Variants in ZBTB39 observed in about 807,000 individuals in gnomAD.
ZBTB39 encodes the protein zinc finger and BTB domain-containing protein 39.
A neutral mutation model predicts 39.4 loss-of-function variants in ZBTB39; 25 were observed. That is an observed-to-expected ratio of 0.63 (90% CI 0.46 to 0.89). ZBTB39 has a LOEUF of 0.89. ZBTB39 is among the 40% of genes least tolerant of loss of function. The probability of loss-of-function intolerance (pLI) is 0.00; values close to 1 mark genes in which losing one functional copy is unlikely to be tolerated. For missense variants in ZBTB39, 891 were observed against 909.7 expected (o/e 0.98, Z 0.26); for synonymous variants, 373 against 359.6 (o/e 1.04, Z -0.42).
At position 56,999,794 on chromosome 12, in the gene ZBTB39, T is replaced by C. The variant is rs941670016; in HGVS notation, c.*2985A>G. 3.3e-5 allele frequency: 5 copies of C among 152,206 alleles called. No homozygotes were observed. The highest frequency in any genetic ancestry group is 1.3e-4 in the Admixed American group (2 of 15,290). 9.4% of individuals were successfully genotyped at this position (152,206 alleles called of 1,614,324 possible). On this transcript the variant is annotated 3_prime_UTR_variant, in exon 2 of 2. Transcript: ENST00000300101. ...GGAAAACAAGTTGGGAATGGCCTCA[T>C]ATTTGGTTTAATGCTCTATGACCAC...
chr12:57,005,953 G>A (rs1956242570), intron 1 of ZBTB39, among the ~76,000 whole-genome samples: 1 of 152,196 alleles, frequency 6.6e-6, no homozygotes, highest in Admixed American at 6.5e-5. Context: ...AAGTATTGTG[G>A]GGTACCGGCC....
rs1387199258 is a variant in ZBTB39, at chr12:57,005,014, G to C, written c.-44-53C>G. On this transcript the variant is annotated intron_variant, in intron 1 of 1. Coordinates refer to ENST00000300101, the MANE Select transcript of ZBTB39 (RefSeq NM_014830.3). ...TGGCCAAACACATCCGTGCAAAAGAGGGGCTATGCAGGAGAAAATACCATC... is the reference window on the plus strand; with the variant it reads ...TGGCCAAACACATCCGTGCAAAAGACGGGCTATGCAGGAGAAAATACCATC... 3 of 1,322,584 alleles carry C rather than the reference G, an allele frequency of 2.3e-6. No homozygotes were observed. The African/African-American group carries it at 4.4e-5, about 19-fold the overall frequency. 81.9% of individuals were successfully genotyped at this position (1,322,584 alleles called of 1,614,324 possible). A position where few individuals can be genotyped will look rare whatever the true frequency, so the allele number is the denominator to read the frequency against.
rs1956223575 is a variant in ZBTB39, at chr12:57,003,505, G to A, written c.1413C>T (p.Ile471=). 4 of 1,613,982 alleles carry A rather than the reference G, an allele frequency of 2.5e-6. No individual in the cohort carries two copies. Among genetic ancestry groups the A allele is most frequent in the South Asian group, 1.1e-5 (1 of 91,084 alleles). The stretch of plus-strand genomic sequence containing the variant: ...GGCCCTTCAAGTTTAGATGGTCAAG[G>A]ATGTGGCCCCGGACCACATGGAAAT... ...AKDFHVVRGH[I]LDHLNLKGQA... Residue 471 remains isoleucine, a synonymous_variant, in exon 2 of 2, where the codon ATC becomes ATT. Coordinates refer to ENST00000300101, the MANE Select transcript of ZBTB39 (RefSeq NM_014830.3). This position sits in a 1 kb window ranked among gnomAD's most constrained non-coding sequence, Gnocchi z 4.8.
Position 56,999,834 on chromosome 12 carries a change from T to C in ZBTB39, c.*2945A>G, listed in dbSNP as rs1363954854. The stretch of plus-strand genomic sequence containing the variant: ...TCTATGACCACCACCTTGAAATTTT[T>C]AATAATTTATGAATAAGAGGGCTCC... On this transcript the variant is annotated 3_prime_UTR_variant, in exon 2 of 2. Coordinates refer to ENST00000300101, the MANE Select transcript of ZBTB39 (RefSeq NM_014830.3). 1 of 152,166 alleles carries C rather than the reference T, an allele frequency of 6.6e-6. No individual in the cohort carries two copies. The highest frequency in any genetic ancestry group is 1.9e-4 in the East Asian group (1 of 5,200). 9.4% of individuals were successfully genotyped at this position (152,166 alleles called of 1,614,324 possible).
In ZBTB39 at chr12:57,004,870, C is replaced by G. The variant is rs2136410995; in HGVS notation, c.48G>C (p.Leu16=). The G allele has an allele frequency of 6.2e-7, 1 of 1,611,988 alleles. No homozygotes were observed. Among genetic ancestry groups the G allele is most frequent in the Non-Finnish European group, 8.5e-7 (1 of 1,178,630 alleles). ...KLQSTNHPNN[L]LKELNKCRLS... ...GCCGGCACTTGTTGAGTTCCTTCAG[C>G]AGGTTGTTGGGGTGGTTGGTGCTTT... Residue 16 remains leucine, a synonymous_variant, in exon 2 of 2, where the codon CTG becomes CTC. Coordinates refer to ENST00000300101, the MANE Select transcript of ZBTB39 (RefSeq NM_014830.3).
chr12:57,003,321 G>C lies in ZBTB39; in HGVS notation c.1597C>G (p.Leu533Val), dbSNP rs779277436. Residue 533 changes from leucine to valine, a missense_variant, in exon 2 of 2, where the codon CTG becomes GTG. Physicochemically the swap from Leu to Val is conservative, Grantham distance 32. Coordinates refer to ENST00000300101, the MANE Select transcript of ZBTB39 (RefSeq NM_014830.3). The surrounding 1 kb of genome is among the most constrained non-coding windows in gnomAD (Gnocchi z 4.8). ...CGGCAGTGGAAGAGGGCGTCTTCCA[G>C]ACTTTGGTGCACAGCCATGTGCTTC... Reference protein sequence around the residue: ...LEKHMAVHQSLEDALFHCRLC... With the variant: ...LEKHMAVHQSVEDALFHCRLC... 1.2e-5 allele frequency: 20 copies of C among 1,614,002 alleles called. No individual in the cohort carries two copies. The East Asian group carries it at 4.2e-4, about 34-fold the overall frequency.
In ZBTB39 at chr12:56,999,710, C is replaced by T. The variant is rs1956199158; in HGVS notation, c.*3069G>A. The stretch of plus-strand genomic sequence containing the variant: ...CAGGATACTAATCTCTGCCTCTGGC[C>T]ACATGGAGCCTCTGCTGTTTAACCC... On this transcript the variant is annotated 3_prime_UTR_variant, in exon 2 of 2. Coordinates refer to ENST00000300101, the MANE Select transcript of ZBTB39 (RefSeq NM_014830.3). 1 of 152,174 alleles carries T rather than the reference C, an allele frequency of 6.6e-6. No individual in the cohort carries two copies. Among genetic ancestry groups the T allele is most frequent in the Non-Finnish European group, 1.5e-5 (1 of 68,034 alleles). The allele number at this position is 152,174 out of a possible 1,614,324, so 9.4% of individuals were successfully genotyped here.
In ZBTB39 at chr12:57,003,993, G is replaced by A. The variant is rs773741415; in HGVS notation, c.925C>T (p.Pro309Ser). Residue 309 changes from proline (P) to serine (S), a missense_variant, in exon 2 of 2, where the codon CCT becomes TCT. Coordinates refer to ENST00000300101, the MANE Select transcript of ZBTB39 (RefSeq NM_014830.3). The surrounding 1 kb of genome is among the most constrained non-coding windows in gnomAD (Gnocchi z 4.8). Reference sequence around the variant, plus strand: ...TCAGTTGTGCCTATATCCTCAGCAGGGTCTTCAAACTGCAAGTCATCATCC... The same window carrying A: ...TCAGTTGTGCCTATATCCTCAGCAGAGTCTTCAAACTGCAAGTCATCATCC... ...LGDDDLQFED[P>S]AEDIGTTEEV... is the part of the protein sequence containing the mutation. The A allele has an allele frequency of 3.1e-6, 5 of 1,614,076 alleles. No homozygotes were observed. The highest frequency in any genetic ancestry group is 4.2e-6 in the Non-Finnish European group (5 of 1,180,056).
rs1218986479 is a variant in ZBTB39, at chr12:57,002,422, G to A, written c.*357C>T. 1 of 230,384 alleles carries A rather than the reference G, an allele frequency of 4.3e-6. No homozygotes were observed. Among genetic ancestry groups the A allele is most frequent in the East Asian group, 9.2e-5 (1 of 10,832 alleles). The allele number at this position is 230,384 out of a possible 1,614,324, so 14.3% of individuals were successfully genotyped here. On this transcript the variant is annotated 3_prime_UTR_variant, in exon 2 of 2. Transcript: ENST00000300101. ...ACCTCCTCTGTTAAGTGAGGCTGTTGGTTGGATTCTTAGCAGCATAAAACC... is the reference window on the plus strand; with the variant it reads ...ACCTCCTCTGTTAAGTGAGGCTGTTAGTTGGATTCTTAGCAGCATAAAACC...
rs1443313479 is a variant in ZBTB39 at position 57,000,293 on chromosome 12, C to T, written c.*2486G>A. 6.6e-6 allele frequency: 1 copy of T among 152,548 alleles called. No individual in the cohort carries two copies. Among genetic ancestry groups the T allele is most frequent in the Non-Finnish European group, 1.5e-5 (1 of 68,016 alleles). 9.4% of individuals were successfully genotyped at this position (152,548 alleles called of 1,614,324 possible). On this transcript the variant is annotated 3_prime_UTR_variant, in exon 2 of 2. Transcript: ENST00000300101. ...GCCACCCTGATCAATCTGATCAGCC[C>T]CCGGGGGATCAGGGGATGCAGTTTT...
rs1296453479 is a variant in ZBTB39, at chr12:57,002,458, C to T, written c.*321G>A. On this transcript the variant is annotated 3_prime_UTR_variant, in exon 2 of 2. Transcript: ENST00000300101. ...TAGCAGCATAAAACCTATCAGTAAA[C>T]TAAAACTAGAGAGGCTGGGGAAGGG... 6.1e-6 allele frequency: 2 copies of T among 326,436 alleles called. No individual in the cohort carries two copies. The highest frequency in any genetic ancestry group is 5.7e-6 in the Non-Finnish European group (1 of 176,808). 20.2% of individuals were successfully genotyped at this position (326,436 alleles called of 1,614,324 possible).
In ZBTB39 at chr12:57,004,671, C is replaced by G; in HGVS notation, c.247G>C (p.Val83Leu). The change falls in exon 2 of 2, where the codon GTT (valine) becomes CTT (leucine). Residue 83 changes from valine to leucine, a missense_variant. Coordinates refer to ENST00000300101, the MANE Select transcript of ZBTB39 (RefSeq NM_014830.3). ...TCTGAAGTGTAGACAAAGCTCAGAA[C>G]CTTCTCAAAGTTGGCAGGGGTGATG... ...DFITPANFEKVLSFVYTSELF... is the reference protein window; with the variant it reads ...DFITPANFEKLLSFVYTSELF... The G allele has an allele frequency of 6.2e-7, 1 of 1,614,202 alleles. No individual in the cohort carries two copies.
chr12:57,004,824 C>G lies in ZBTB39; in HGVS notation c.94G>C (p.Val32Leu). 6.2e-7 allele frequency: 1 copy of G among 1,614,154 alleles called. No individual in the cohort carries two copies. The highest frequency in any genetic ancestry group is 8.5e-7 in the Non-Finnish European group (1 of 1,179,994). ...GAGCGGCTCCCCACCACAATGGTGACGTCGCACATGGTCTCTGAGAGCCGG... is the reference window on the plus strand; with the variant it reads ...GAGCGGCTCCCCACCACAATGGTGAGGTCGCACATGGTCTCTGAGAGCCGG... ...KCRLSETMCDVTIVVGSRSFP... is the reference protein window; with the variant it reads ...KCRLSETMCDLTIVVGSRSFP... Residue 32 changes from valine (V) to leucine (L), a missense_variant, in exon 2 of 2, where the codon GTC (valine) becomes CTC (leucine). Val to Leu is a conservative substitution (Grantham distance 32). Coordinates refer to ENST00000300101, the MANE Select transcript of ZBTB39 (RefSeq NM_014830.3).
chr12:56,999,642 G>A lies in ZBTB39; in HGVS notation c.*3137C>T, dbSNP rs1267661815. 1 of 152,178 alleles carries A rather than the reference G, an allele frequency of 6.6e-6. No individual in the cohort carries two copies. The highest frequency in any genetic ancestry group is 1.9e-4 in the East Asian group (1 of 5,190). 9.4% of individuals were successfully genotyped at this position (152,178 alleles called of 1,614,324 possible). On this transcript the variant is annotated 3_prime_UTR_variant, in exon 2 of 2. Transcript: ENST00000300101. Reference sequence around the variant, plus strand: ...AAGGTTCAGCAGAGCTTCCTAGCGGGTGCTGTGGCATCAGTGAGTCACCCA... The same window carrying A: ...AAGGTTCAGCAGAGCTTCCTAGCGGATGCTGTGGCATCAGTGAGTCACCCA...
In ZBTB39 at chr12:56,999,871, A is replaced by C. The variant is rs1204837498; in HGVS notation, c.*2908T>G. On this transcript the variant is annotated 3_prime_UTR_variant, in exon 2 of 2. Transcript: ENST00000300101. ...AATAAGAGGGCTCCACAAATGATGT[A>C]GCTGGTCCTGAGTACATACCAAGAA... 6.6e-6 allele frequency: 1 copy of C among 152,228 alleles called. No individual in the cohort carries two copies. The highest frequency in any genetic ancestry group is 2.4e-5 in the African/African-American group (1 of 41,442). The allele number at this position is 152,228 out of a possible 1,614,324, so 9.4% of individuals were successfully genotyped here. A position where few individuals can be genotyped will look rare whatever the true frequency, so the allele number is the denominator to read the frequency against.
In ZBTB39 at chr12:57,004,289, T is replaced by C. The variant is rs368655937; in HGVS notation, c.629A>G (p.Glu210Gly). ...PQPPPPPPKT[E>G]DHDTPAPFTS... ...GAAGGGAGCAGGGGTGTCATGGTCT[T>C]CTGTCTTTGGCGGTGGTGGGGGCGG... The change falls in exon 2 of 2, where the codon GAA (glutamate) becomes GGA (glycine). Residue 210 changes from glutamate to glycine, a missense_variant. Physicochemically the swap from Glu to Gly is moderately conservative, Grantham distance 98. Transcript: ENST00000300101. The C allele has an allele frequency of 6.2e-7, 1 of 1,614,050 alleles. No homozygotes were observed. The highest frequency in any genetic ancestry group is 1.3e-5 in the African/African-American group (1 of 74,916).
Position 57,003,221 on chromosome 12 carries a change from A to G in ZBTB39, c.1697T>C (p.Leu566Pro). 6.2e-6 allele frequency: 10 copies of G among 1,614,200 alleles called. No individual in the cohort carries two copies. The highest frequency in any genetic ancestry group is 8.5e-6 in the Non-Finnish European group (10 of 1,180,022). Reference sequence around the variant, plus strand: ...CAGCCCAAAACCAGGCCGTGCATCAAGGCCACTGTTGCATTTGTGCTGGCT... The same window carrying G: ...CAGCCCAAAACCAGGCCGTGCATCAGGGCCACTGTTGCATTTGTGCTGGCT... Reference protein sequence around the residue: ...HVSQHKCNSGLDARPGFGLQH... With the variant: ...HVSQHKCNSGPDARPGFGLQH... The change falls in exon 2 of 2, where the codon CTT (leucine) becomes CCT (proline). Residue 566 changes from leucine (L) to proline (P), a missense_variant. Coordinates refer to ENST00000300101, the MANE Select transcript of ZBTB39 (RefSeq NM_014830.3). This position sits in a 1 kb window ranked among gnomAD's most constrained non-coding sequence, Gnocchi z 4.8.
rs745355298 is a variant in ZBTB39 at position 57,004,544 on chromosome 12, A to G, written c.374T>C (p.Leu125Pro). Residue 125 changes from leucine to proline, a missense_variant, in exon 2 of 2, where the codon CTG (leucine) becomes CCG (proline). Leu to Pro is a moderately conservative substitution (Grantham distance 98, BLOSUM62 -3). Coordinates refer to ENST00000300101, the MANE Select transcript of ZBTB39 (RefSeq NM_014830.3). ...LQACHSTFPD[L>P]ESTARAKPLT... The stretch of plus-strand genomic sequence containing the variant: ...GGGCTTGGCCCTGGCAGTGCTCTCC[A>G]GATCAGGAAAGGTAGAGTGACAGGC... 2.5e-6 allele frequency: 4 copies of G among 1,614,168 alleles called. No homozygotes were observed. Among genetic ancestry groups the G allele is most frequent in the Non-Finnish European group, 3.4e-6 (4 of 1,180,036 alleles).
At position 57,004,248 on chromosome 12, in the gene ZBTB39, T is replaced by G. The variant is rs143926800; in HGVS notation, c.670A>C (p.Met224Leu). ...GTGCCTAGGAGTGGCTGGGTCATCA[T>G]GCTAGGAATGGACGTGAAGGGAGCA... ...TPAPFTSIPS[M>L]MTQPLLGTVS... Residue 224 changes from methionine to leucine, a missense_variant, in exon 2 of 2, where the codon ATG becomes CTG. Coordinates refer to ENST00000300101, the MANE Select transcript of ZBTB39 (RefSeq NM_014830.3). The G allele has an allele frequency of 2.8e-5, 45 of 1,614,176 alleles. No homozygotes were observed. In the African/African-American group the frequency reaches 5.3e-4, roughly 19 times the overall value.
Sources: allele counts gnomAD v4.1 joint callset (sites outside exome capture counted in the v4.1 genomes callset), GRCh38; gene constraint gnomAD v4.1.1; non-coding constraint Gnocchi (gnomAD v3.1); transcripts MANE v1.5; gene names NCBI Gene and HGNC (gene_info 2026-07-23, HGNC 2026-07-21).